The following CDC42BPA variants were observed in gnomAD, a reference collection of about 807,000 sequenced individuals.
CDC42BPA encodes CDC42 binding protein kinase alpha, also known as serine/threonine-protein kinase MRCK alpha.
A neutral mutation model predicts 223.5 loss-of-function variants in CDC42BPA; 80 were observed. The observed-to-expected ratio is 0.36, with a 90% CI of 0.30 to 0.43. The LOEUF is 0.43. Among genes scored for constraint, CDC42BPA ranks in the 20% least tolerant of loss-of-function variants. CDC42BPA has a pLI of 1.00. For missense variants in CDC42BPA, 1,743 were observed against 2,099.9 expected, an observed-to-expected ratio of 0.83 and a Z score of 3.32; for synonymous variants, 694 against 718.6, an observed-to-expected ratio of 0.97 and a Z score of 0.55.
intron 10 of CDC42BPA, among the ~76,000 whole-genome samples, chr1:227,135,996 A>AT (rs1398201783): frequency 6.6e-6 from 1 of 151,186 alleles, no homozygotes; most frequent in African/African-American, 2.4e-5. Context: ...TCTCTGTGTT[A>AT]TTTTTATTCA....
chr1:227,238,315 A>C (rs1373966541), intron 2 of CDC42BPA, among the ~76,000 whole-genome samples: 1 of 151,790 alleles, frequency 6.6e-6, no homozygotes, highest in African/African-American at 2.4e-5. Flanking sequence ...CTATGATGGC[A>C]CCACTACACT....
intron 5 of CDC42BPA, among the ~76,000 whole-genome samples, chr1:227,192,220 A>G (rs1298578044): frequency 6.6e-6 from 1 of 152,212 alleles, no homozygotes; most frequent in Non-Finnish European, 1.5e-5. Flanking sequence ...AAACAGAAAC[A>G]TTCTACTCCT....
At chr1:227,139,924 A>C (rs989650901) in intron 9 of CDC42BPA, among the ~76,000 whole-genome samples, 182 bp from the exon 10 acceptor site, 1 of 152,214 alleles carries the variant, frequency 6.6e-6, no homozygotes, top group Non-Finnish European at 1.5e-5. Flanking sequence ...AATTATAAAA[A>C]TTTGTTTGCA....
rs763923399 is a variant in CDC42BPA, at chr1:227,028,873, G to A, written c.4216C>T (p.Pro1406Ser). Residue 1406 changes from proline to serine, a missense_variant, in exon 30 of 37, where the codon CCC (proline) becomes TCC (serine). Transcript: ENST00000366766. ...TATGGATTTCCTTCTCCATTCAAGG[G>A]GTATCTTAGAAATCCTGACTGGAAT... Reference protein sequence around the residue: ...VGFQSGFLRYPLNGEGNPYSM... With the variant: ...VGFQSGFLRYSLNGEGNPYSM... 4 of 1,613,642 alleles carry A rather than the reference G, an allele frequency of 2.5e-6. No individual in the cohort carries two copies. The highest frequency in any genetic ancestry group is 1.7e-5 in the Admixed American group (1 of 60,010).
chr1:227,181,204 A>G (rs6426581), intron 5 of CDC42BPA, among the ~76,000 whole-genome samples: 137,245 of 152,156 alleles, frequency 0.9, 62,346 homozygotes, highest in Middle Eastern at 0.96. Context: ...GCACAAATCT[A>G]AGTTTACAGA....
intron 2 of CDC42BPA, among the ~76,000 whole-genome samples, chr1:227,244,861 G>C (rs1156279529): frequency 6.6e-6 from 1 of 152,218 alleles, no homozygotes; most frequent in Non-Finnish European, 1.5e-5. Context: ...TAGAGAGAGA[G>C]AATATACTTC....
chr1:227,030,364 A>ATC, intron 29 of CDC42BPA, 44 bp downstream of exon 29: 1 of 1,019,876 alleles, frequency 9.8e-7, no homozygotes, highest in Non-Finnish European at 1.4e-6. Flanking sequence ...AAATTTTTTT[A>ATC]ACACGATTTA....
chr1:227,218,863 A>G (rs1675345572), intron 2 of CDC42BPA, among the ~76,000 whole-genome samples: 1 of 152,242 alleles, frequency 6.6e-6, no homozygotes, highest in African/African-American at 2.4e-5. Flanking sequence ...TATTATCTTT[A>G]ATAAGCAAAC....
Position 227,139,560 on chromosome 1 carries a change from T to C in CDC42BPA, c.1390+16A>G. The C allele has an allele frequency of 6.8e-7, 1 of 1,479,750 alleles. No individual in the cohort carries two copies. The highest frequency in any genetic ancestry group is 9.1e-7 in the Non-Finnish European group (1 of 1,104,050). 91.7% of individuals were successfully genotyped at this position (1,479,750 alleles called of 1,614,324 possible). A position where few individuals can be genotyped will look rare whatever the true frequency, so the allele number is the denominator to read the frequency against. On this transcript the variant is annotated intron_variant, in intron 10 of 36. Transcript: ENST00000366766. ...GTACAATTCAAAAAGTGAAAATATATTTAAAATATATTTACCTTGAAGTTT... is the reference window on the plus strand; with the variant it reads ...GTACAATTCAAAAAGTGAAAATATACTTAAAATATATTTACCTTGAAGTTT...
intron 14 of CDC42BPA, among the ~76,000 whole-genome samples, chr1:227,106,674 G>A (rs777732745): frequency 6.6e-6 from 1 of 152,088 alleles, no homozygotes; most frequent in African/African-American, 2.4e-5. Context: ...TCAAATCCAA[G>A]GTCTCTTGAG....
At chr1:227,007,883 A>G (rs1296090340) in intron 34 of CDC42BPA, among the ~76,000 whole-genome samples, 1 of 152,224 alleles carries the variant, frequency 6.6e-6, no homozygotes, top group Non-Finnish European at 1.5e-5. Context: ...ACTACATTTT[A>G]CATATTTTAC....
chr1:227,106,005 G>C (rs535631904), intron 14 of CDC42BPA, among the ~76,000 whole-genome samples: 1 of 152,204 alleles, frequency 6.6e-6, no homozygotes, highest in East Asian at 1.9e-4. Flanking sequence ...GACTTTTTGA[G>C]GAACCACCAC....
intron 2 of CDC42BPA, among the ~76,000 whole-genome samples, chr1:227,227,914 C>T (rs543048619): frequency 1.3e-5 from 2 of 152,248 alleles, no homozygotes; most frequent in South Asian, 4.2e-4. Context: ...AAGTAGTCAT[C>T]AGTGATTCAG....
intron 15 of CDC42BPA, among the ~76,000 whole-genome samples, chr1:227,098,363 C>T (rs1326738270): frequency 6.6e-6 from 1 of 152,110 alleles, no homozygotes; most frequent in African/African-American, 2.4e-5. Flanking sequence ...AGGATTTTAC[C>T]TCCTGCCCCC....
intron 17 of CDC42BPA, among the ~76,000 whole-genome samples, chr1:227,076,319 C>G (rs1305571465): frequency 6.6e-6 from 1 of 152,190 alleles, no homozygotes; most frequent in African/African-American, 2.4e-5. Context: ...TACAGTGGCA[C>G]AATCTCAGCT....
At chr1:227,150,428 T>G (rs1464482243) in intron 6 of CDC42BPA, among the ~76,000 whole-genome samples, 1 of 152,036 alleles carries the variant, frequency 6.6e-6, no homozygotes, top group Non-Finnish European at 1.5e-5. Flanking sequence ...CAGAAGAAAA[T>G]GAAGTTGTAC....
At chr1:227,002,047 G>A (rs998227950) in intron 35 of CDC42BPA, among the ~76,000 whole-genome samples, 1 of 152,226 alleles carries the variant, frequency 6.6e-6, no homozygotes, top group African/African-American at 2.4e-5. Context: ...TATTTACAGT[G>A]TAAACAGTCA....
intron 34 of CDC42BPA, among the ~76,000 whole-genome samples, chr1:227,012,861 A>T (rs891391141): frequency 3.3e-5 from 5 of 152,148 alleles, no homozygotes; most frequent in African/African-American, 7.2e-5. Context: ...TCAGACATGC[A>T]TATTATTGTA....
chr1:227,251,556 A>T (rs1463032638), intron 2 of CDC42BPA, among the ~76,000 whole-genome samples: 1 of 152,182 alleles, frequency 6.6e-6, no homozygotes, highest in Non-Finnish European at 1.5e-5. Context: ...TTTAATGAAA[A>T]TACTAATAAA....
Sources: allele counts gnomAD v4.1 joint callset (sites outside exome capture counted in the v4.1 genomes callset), GRCh38; gene constraint gnomAD v4.1.1; transcripts MANE v1.5; gene names NCBI Gene and HGNC (gene_info 2026-07-23, HGNC 2026-07-21).